The following SGCD variants were observed in gnomAD, a reference collection of about 807,000 sequenced individuals.
SGCD encodes the protein sarcoglycan delta.
SGCD carries 18 observed loss-of-function variants against 36.6 expected under a neutral mutation model. That is an observed-to-expected ratio of 0.49 (90% confidence interval 0.34 to 0.73). The LOEUF is 0.73. SGCD is among the 30% of genes least tolerant of loss of function. SGCD has a pLI of 0.01. For missense variants in SGCD, 387 were observed against 346.7 expected (o/e 1.12, Z -0.92); for synonymous variants, 133 against 130.6 (o/e 1.02, Z -0.12).
chr5:156,155,860 G>C (rs1419746783), intron 3 of SGCD, among the ~76,000 whole-genome samples: 2 of 151,688 alleles, frequency 1.3e-5, no homozygotes, highest in Non-Finnish European at 2.9e-5. Context: ...GATGAACATT[G>C]CAGGATGCAG....
intron 3 of SGCD, among the ~76,000 whole-genome samples, chr5:156,219,682 G>A (rs1764670366): frequency 2.0e-5 from 3 of 152,174 alleles, no homozygotes; most frequent in Admixed American, 2.0e-4. Context: ...TTAGCGCTTA[G>A]TGCTGTCTCT....
In SGCD at chr5:156,444,113, TCTCC is replaced by T. The variant is rs1475383541; in HGVS notation, c.193-64486_193-64483del. ...CTCTCTCTCTCTCTCTCTCTCTCTC[TCTCC>T]CCTTCCCTCTCTCTCTCTCTCCTTC... On this transcript the variant is annotated intron_variant, in intron 3 of 8. Coordinates refer to ENST00000337851, the MANE Select transcript of SGCD (RefSeq NM_000337.6). Among the ~76,000 whole-genome samples the T allele has an allele frequency of 7.9e-4, 64 of 80,624 alleles. 2 individuals carry two copies. The highest frequency in any genetic ancestry group is 3.8e-3 in the African/African-American group (53 of 13,968). 52.9% of individuals were successfully genotyped at this position (80,624 alleles called of 152,430 possible).
intron 6 of SGCD, among the ~76,000 whole-genome samples, chr5:156,638,266 C>G (rs1762905897): frequency 6.6e-6 from 1 of 152,176 alleles, no homozygotes; most frequent in South Asian, 2.1e-4. Context: ...ACCCTCACTC[C>G]CAGGTGGAAG....
intron 1 of SGCD, among the ~76,000 whole-genome samples, chr5:156,113,096 TC>T (rs144080122): frequency 0.2 from 29,846 of 152,110 alleles, 3,305 homozygotes; most frequent in Non-Finnish European, 0.25. Context: ...GAAGATCTTG[TC>T]CCCTCTTCTA....
At position 156,106,822 on chromosome 5, in the gene SGCD, A is replaced by C. The variant is rs1435843565; in HGVS notation, c.-281-11056A>C. Among the ~76,000 whole-genome samples the C allele has an allele frequency of 2.0e-5, 3 of 152,206 alleles. No individual in the cohort carries two copies. In the East Asian group the frequency reaches 5.8e-4, roughly 29 times the overall value. On this transcript the variant is annotated intron_variant, in intron 1 of 9. Coordinates refer to the SGCD transcript ENST00000517913. ...CCTTTCAGTGATGTTGAGTATATGA[A>C]ATGGCAACACTTTGACATTTATCTT... is the stretch of plus-strand genomic sequence containing the variant.
chr5:156,628,030 A>G, intron 6 of SGCD, among the ~76,000 whole-genome samples: 1 of 152,152 alleles, frequency 6.6e-6, no homozygotes, highest in East Asian at 1.9e-4. Context: ...TGATCCTGGC[A>G]TCTGCTCAGC....
chr5:156,647,384 G>C, intron 6 of SGCD, 80 bp from the exon 7 acceptor site: 1 of 906,164 alleles, frequency 1.1e-6, no homozygotes, highest in Non-Finnish European at 1.8e-6. Context: ...GCTGCATTTA[G>C]CTCCAATCAG....
intron 3 of SGCD, among the ~76,000 whole-genome samples, chr5:156,460,918 CACA>C (rs1389963258): frequency 6.6e-6 from 1 of 152,138 alleles, no homozygotes; most frequent in Admixed American, 6.6e-5. Flanking sequence ...TAATAGAATA[CACA>C]ACATTTCCCA....
chr5:156,209,514 C>A (rs74553343), intron 3 of SGCD, among the ~76,000 whole-genome samples: 1 of 152,156 alleles, frequency 6.6e-6, no homozygotes, highest in Non-Finnish European at 1.5e-5. Context: ...GCCTGCCCAG[C>A]GCTAAGCCCA....
intron 4 of SGCD, among the ~76,000 whole-genome samples, chr5:156,588,852 C>T (rs188170317): frequency 1.3e-5 from 2 of 152,290 alleles, no homozygotes; most frequent in African/African-American, 2.4e-5. Context: ...GAAAGGATGA[C>T]ATTAGGAGAT....
chr5:156,396,664 T>C (rs1368868123), intron 3 of SGCD, among the ~76,000 whole-genome samples: 1 of 152,188 alleles, frequency 6.6e-6, no homozygotes, highest in Non-Finnish European at 1.5e-5. Context: ...TTGTTGAAGC[T>C]GTTTCAAGAG....
chr5:155,759,362 C>T, the SGCD span, among the ~76,000 whole-genome samples: 9,790 of 152,184 alleles, frequency 0.064, 797 homozygotes, highest in African/African-American at 0.19. Flanking sequence ...CACCTTTTTT[C>T]TCTCTATTGC....
chr5:156,111,899 C>T (rs1761796973), intron 1 of SGCD, among the ~76,000 whole-genome samples: 1 of 152,068 alleles, frequency 6.6e-6, no homozygotes, highest in Non-Finnish European at 1.5e-5. Context: ...CTGCCTCAGC[C>T]TCCTGAGTAG....
intron 1 of SGCD, among the ~76,000 whole-genome samples, chr5:156,056,654 A>AAAAAAAAAAAAAAAAAAAAAC (rs1209421786): frequency 5.8e-5 from 8 of 137,832 alleles, no homozygotes; most frequent in African/African-American, 2.0e-4. Flanking sequence ...TTAAAAAAAA[A>AAAAAAAAAAAAAAAAAAAAAC]AAAAAAAAAA....
At chr5:155,902,872 A>G (rs953036214) in intron 1 of SGCD, among the ~76,000 whole-genome samples, 4 of 152,206 alleles carry the variant, frequency 2.6e-5, no homozygotes, top group Admixed American at 2.0e-4. Flanking sequence ...TGTTCTTCAT[A>G]ACCAATGTAT....
intron 7 of SGCD, among the ~76,000 whole-genome samples, chr5:156,649,993 G>A (rs900150300): frequency 3.3e-5 from 5 of 151,972 alleles, no homozygotes; most frequent in African/African-American, 9.7e-5. Context: ...GGCTTTAAGC[G>A]GTAAAGTAAA....
At position 156,053,539 on chromosome 5, in the gene SGCD, GACTGCAACC is replaced by G. The variant is rs1370333460; in HGVS notation, c.-281-64336_-281-64328del. 5.5e-5 allele frequency among the ~76,000 whole-genome samples: 8 copies of G among 146,158 alleles called. 1 individual carries two copies. Among genetic ancestry groups the G allele is most frequent in the African/African-American group, 2.0e-4 (8 of 40,618 alleles). On this transcript the variant is annotated intron_variant, in intron 1 of 9. Transcript: ENST00000517913. The stretch of plus-strand genomic sequence containing the variant: ...TAGAAGATAAAATTAAGAATGTAAA[GACTGCAACC>G]ACAGAACATTAAACTCCAAGTGCAG...
rs1178826719 is a variant in SGCD, at chr5:156,569,930, T to C, written c.295-19301T>C. On this transcript the variant is annotated intron_variant, in intron 4 of 8. Transcript: ENST00000337851. ...GAGGAGGTAGTAGCAGACCGGATCA[T>C]GTAGGATCTTGTAGTTAGGAGTTTG... Among the ~76,000 whole-genome samples, 6 of 152,252 alleles carry C rather than the reference T, an allele frequency of 3.9e-5. No homozygotes were observed. The South Asian group carries it at 6.2e-4, about 16-fold the overall frequency.
intron 6 of SGCD, among the ~76,000 whole-genome samples, chr5:156,609,518 G>A (rs1278324066): frequency 1.3e-5 from 2 of 152,090 alleles, no homozygotes; most frequent in African/African-American, 4.8e-5. Context: ...TGACAATTAT[G>A]TGTCTTGGAG....
Sources: allele counts gnomAD v4.1 joint callset (sites outside exome capture counted in the v4.1 genomes callset), GRCh38; gene constraint gnomAD v4.1.1; transcripts MANE v1.5; gene names NCBI Gene and HGNC (gene_info 2026-07-23, HGNC 2026-07-21).